Variants in SEMA6D observed in about 807,000 individuals in gnomAD.
SEMA6D encodes semaphorin-6D.
Under a neutral mutation model 106.6 loss-of-function variants are expected in SEMA6D, and 35 were observed. That is an observed-to-expected ratio of 0.33 (90% confidence interval 0.25 to 0.44). The LOEUF (loss-of-function observed/expected upper bound fraction) is 0.44. Ranked by LOEUF, SEMA6D falls within the 20% of genes least tolerant of loss-of-function variation. The pLI, the probability that SEMA6D is intolerant of heterozygous loss-of-function variation, is 1.00. For synonymous variants in SEMA6D, 499 were observed against 487.7 expected (o/e 1.02, Z -0.31); for missense variants, 1,185 against 1,345.9 (o/e 0.88, Z 1.87).
chr15:47,541,366 A>C (rs2142218211), intron 3 of SEMA6D, among the ~76,000 whole-genome samples: 1 of 152,312 alleles, frequency 6.6e-6, no homozygotes, highest in East Asian at 1.9e-4. Context: ...CCCCAAAAAA[A>C]TTCAAGATGA....
At chr15:47,372,622 C>G (rs1462139207) in intron 1 of SEMA6D, among the ~76,000 whole-genome samples, 2 of 152,156 alleles carry the variant, frequency 1.3e-5, no homozygotes, top group East Asian at 3.9e-4. Flanking sequence ...CACTCTTTCC[C>G]ATGATTAGGT....
chr15:47,635,321 G>A (rs2077367372), intron 4 of SEMA6D, among the ~76,000 whole-genome samples: 1 of 152,134 alleles, frequency 6.6e-6, no homozygotes, highest in South Asian at 2.1e-4. Context: ...CCTAGTACCT[G>A]GCCTTGGGGT....
intron 3 of SEMA6D, among the ~76,000 whole-genome samples, chr15:47,503,359 C>G (rs903573270): frequency 1.1e-4 from 17 of 152,220 alleles, no homozygotes; most frequent in African/African-American, 4.1e-4. Context: ...TGAGAACATA[C>G]CAAATCCTGG....
chr15:47,594,175 T>C (rs1387367933), intron 3 of SEMA6D, among the ~76,000 whole-genome samples: 3 of 152,230 alleles, frequency 2.0e-5, no homozygotes, highest in African/African-American at 4.8e-5. Context: ...TCTACAGAAC[T>C]GAAATCACTA....
intron 4 of SEMA6D, among the ~76,000 whole-genome samples, chr15:47,615,694 A>T (rs2076994865): frequency 6.6e-6 from 1 of 152,240 alleles, no homozygotes; most frequent in African/African-American, 2.4e-5. Flanking sequence ...ATCAGTCCAA[A>T]TGAGTATAAT....
intron 1 of SEMA6D, among the ~76,000 whole-genome samples, chr15:47,752,596 G>A (rs529639844): frequency 1.6e-3 from 248 of 152,278 alleles, no homozygotes; most frequent in African/African-American, 5.7e-3. Flanking sequence ...AAATTTCAGC[G>A]CTGATGGACA....
intron 4 of SEMA6D, among the ~76,000 whole-genome samples, chr15:47,682,189 A>G (rs1190708335): frequency 1.4e-5 from 2 of 143,990 alleles, no homozygotes; most frequent in African/African-American, 5.2e-5. Flanking sequence ...TTTTTTTGAT[A>G]CGGAGTGTCA....
intron 1 of SEMA6D, among the ~76,000 whole-genome samples, chr15:47,735,739 C>T (rs1402772302): frequency 6.6e-6 from 1 of 152,182 alleles, no homozygotes; most frequent in Non-Finnish European, 1.5e-5. Flanking sequence ...GGTCTCTCCA[C>T]TTCACAAGCC....
intron 1 of SEMA6D, among the ~76,000 whole-genome samples, chr15:47,402,747 CTTTT>C (rs11344225): frequency 1.6e-5 from 2 of 121,502 alleles, no homozygotes; most frequent in Admixed American, 8.3e-5. Context: ...GTGAGCCAGA[CTTTT>C]TTTTTTTTTT....
intron 1 of SEMA6D, among the ~76,000 whole-genome samples, chr15:47,185,315 G>C (rs1893486606): frequency 6.6e-6 from 1 of 152,182 alleles, no homozygotes; most frequent in African/African-American, 2.4e-5. Context: ...ACTTAGATCT[G>C]ACTCTAATTC....
intron 1 of SEMA6D, among the ~76,000 whole-genome samples, chr15:47,753,961 C>T (rs769531168): frequency 5.9e-5 from 9 of 152,216 alleles, no homozygotes; most frequent in African/African-American, 1.2e-4. Flanking sequence ...TTTGGGCTAG[C>T]GATAAAGTAG....
At chr15:47,643,851 A>G (rs1241075999) in intron 4 of SEMA6D, among the ~76,000 whole-genome samples, 1 of 152,198 alleles carries the variant, frequency 6.6e-6, no homozygotes, top group Non-Finnish European at 1.5e-5. Context: ...GAACACTAGA[A>G]TGTATTCCTT....
chr15:47,604,051 A>T (rs2076721784), intron 4 of SEMA6D: 1 of 152,256 alleles, frequency 6.6e-6, no homozygotes, highest in Admixed American at 6.5e-5. Context: ...GTTAACGAGC[A>T]TAGAAAGGGC....
chr15:47,370,312 G>C (rs539550987), intron 1 of SEMA6D, among the ~76,000 whole-genome samples: 10 of 152,164 alleles, frequency 6.6e-5, no homozygotes, highest in African/African-American at 2.4e-4. Flanking sequence ...CTCAGGAGTT[G>C]AAAACCAGCC....
chr15:47,578,874 A>G (rs530199609), intron 3 of SEMA6D, among the ~76,000 whole-genome samples: 239 of 152,374 alleles, frequency 1.6e-3, no homozygotes, highest in African/African-American at 5.6e-3. Flanking sequence ...GATACTTGTC[A>G]AAGTACAATC....
chr15:47,737,560 A>AT (rs1403568069), intron 1 of SEMA6D, among the ~76,000 whole-genome samples: 5 of 151,774 alleles, frequency 3.3e-5, no homozygotes, highest in African/African-American at 9.7e-5. Flanking sequence ...TTATATTCTG[A>AT]TTTTTTTTCC....
At chr15:47,233,801 G>A (rs1282926227) in intron 1 of SEMA6D, among the ~76,000 whole-genome samples, 1 of 151,818 alleles carries the variant, frequency 6.6e-6, no homozygotes, top group African/African-American at 2.4e-5. Context: ...TTATTTATTA[G>A]CTCTAACAAC....
chr15:47,414,780 G>A (rs1007192341), intron 2 of SEMA6D, among the ~76,000 whole-genome samples: 3 of 152,070 alleles, frequency 2.0e-5, no homozygotes, highest in African/African-American at 7.2e-5. Flanking sequence ...ACTTGTTTGA[G>A]AAATAATATA....
At chr15:47,657,560 T>G (rs748030970) in intron 4 of SEMA6D, among the ~76,000 whole-genome samples, 1 of 151,856 alleles carries the variant, frequency 6.6e-6, no homozygotes, top group African/African-American at 2.4e-5. Flanking sequence ...TACAATTTAA[T>G]TCAGAAAGAA....
Sources: gnomAD v4.1 joint callset for allele counts (sites outside exome capture counted in the v4.1 genomes callset) on GRCh38, gnomAD v4.1.1 for gene constraint, MANE v1.5 for transcripts, NCBI Gene and HGNC (gene_info 2026-07-23, HGNC 2026-07-21) for gene names.